GRIP1: variants seen among roughly 807,000 people sequenced by gnomAD.
GRIP1 encodes glutamate receptor-interacting protein 1.
GRIP1 carries 45 observed loss-of-function variants against 129.9 expected under a neutral mutation model. That is an observed-to-expected ratio of 0.35 (90% CI 0.27 to 0.44). The LOEUF (loss-of-function observed/expected upper bound fraction) is 0.44. GRIP1 is among the 20% of genes least tolerant of loss of function. The pLI is 1.00. For missense variants in GRIP1, 1,196 were observed against 1,396.8 expected, an observed-to-expected ratio of 0.86 and a Z score of 2.29; for synonymous variants, 530 against 520.8, an observed-to-expected ratio of 1.02 and a Z score of -0.24.
Position 66,638,544 on chromosome 12 carries a change from T to C in GRIP1, c.55+40306A>G, listed in dbSNP as rs73127186. On this transcript the variant is annotated intron_variant, in intron 1 of 24. Transcript: ENST00000359742. The stretch of plus-strand genomic sequence containing the variant: ...TTTTTATAATGACAGACAAAATAGT[T>C]AACAAGTCAAGAGCTAATCAGCCAG... Among the ~76,000 whole-genome samples, 947 of 152,316 alleles carry C rather than the reference T, an allele frequency of 6.2e-3. 7 individuals carry two copies. The highest frequency in any genetic ancestry group is 9.8e-3 in the Non-Finnish European group (668 of 68,020).
chr12:66,794,735 T>C (rs1324874280), intron 1 of GRIP1, among the ~76,000 whole-genome samples: 1 of 152,160 alleles, frequency 6.6e-6, no homozygotes, highest in African/African-American at 2.4e-5. Context: ...ATCCCAACAG[T>C]TCTTAGGTTT....
At chr12:66,753,070 A>AC (rs1429659426) in intron 1 of GRIP1, among the ~76,000 whole-genome samples, 8 of 152,166 alleles carry the variant, frequency 5.3e-5, no homozygotes, top group Non-Finnish European at 8.8e-5. Flanking sequence ...CCCAGCCCCT[A>AC]CCCACCAATG....
chr12:66,888,626 GT>G (rs2040605753), intron 1 of GRIP1, among the ~76,000 whole-genome samples: 1 of 152,178 alleles, frequency 6.6e-6, no homozygotes, highest in African/African-American at 2.4e-5. Flanking sequence ...GCCTCCAAAA[GT>G]GCTGGAATTA....
intron 5 of GRIP1, among the ~76,000 whole-genome samples, chr12:66,523,288 G>T (rs1181385642): frequency 2.0e-5 from 3 of 150,450 alleles, no homozygotes; most frequent in African/African-American, 7.4e-5. Context: ...AGAAAGGTCG[G>T]GTTACCCACA....
chr12:66,544,847 G>A (rs907507153), intron 2 of GRIP1, among the ~76,000 whole-genome samples: 2 of 152,070 alleles, frequency 1.3e-5, no homozygotes, highest in African/African-American at 4.8e-5. Context: ...CCTTTTTGGT[G>A]TTTAATGTTT....
chr12:66,444,511 A>C (rs2058565233), intron 13 of GRIP1, 73 bp downstream of exon 13: 10 of 1,320,768 alleles, frequency 7.6e-6, no homozygotes, highest in Admixed American at 3.8e-5. Flanking sequence ...AAAAAAAAAA[A>C]AAATAGTTTC....
At chr12:66,720,738 A>G (rs1199093364) in intron 1 of GRIP1, among the ~76,000 whole-genome samples, 6 of 152,154 alleles carry the variant, frequency 3.9e-5, no homozygotes, top group Admixed American at 1.3e-4. Flanking sequence ...CAATTAGGTC[A>G]TATCTTTAGG....
intron 13 of GRIP1, 57 bp downstream of exon 13, chr12:66,444,527 T>C: frequency 8.2e-7 from 1 of 1,213,450 alleles, no homozygotes; most frequent in Non-Finnish European, 1.2e-6. Flanking sequence ...GTTTCCTCTC[T>C]GCCACATAAC....
chr12:66,743,688 A>G (rs1196532431), intron 1 of GRIP1, among the ~76,000 whole-genome samples: 2 of 152,080 alleles, frequency 1.3e-5, no homozygotes, highest in Admixed American at 6.6e-5. Flanking sequence ...ATTATAAGAT[A>G]ACAAGGAGGA....
chr12:66,956,621 G>T (rs1038134996), intron 1 of GRIP1, among the ~76,000 whole-genome samples: 1 of 152,162 alleles, frequency 6.6e-6, no homozygotes, highest in Non-Finnish European at 1.5e-5. Context: ...ATGTTTAGGA[G>T]AAGATACATT....
chr12:66,745,096 C>A (rs2036904169), intron 1 of GRIP1, among the ~76,000 whole-genome samples: 1 of 136,176 alleles, frequency 7.3e-6, no homozygotes, highest in South Asian at 2.6e-4. Context: ...AGATAACAAG[C>A]AACACGGAGA....
At chr12:66,744,063 T>A (rs1048993666) in intron 1 of GRIP1, among the ~76,000 whole-genome samples, 1 of 152,208 alleles carries the variant, frequency 6.6e-6, no homozygotes, top group Non-Finnish European at 1.5e-5. Context: ...ACTATGAGCA[T>A]GCTCTCTAGA....
chr12:66,779,780 T>C (rs1267157482), intron 1 of GRIP1, among the ~76,000 whole-genome samples: 1 of 152,192 alleles, frequency 6.6e-6, no homozygotes, highest in African/African-American at 2.4e-5. Flanking sequence ...TCACATAATA[T>C]GTGCAGTAGT....
At chr12:66,442,980 T>C (rs900325054) in intron 13 of GRIP1, among the ~76,000 whole-genome samples, 1 of 152,232 alleles carries the variant, frequency 6.6e-6, no homozygotes, top group Admixed American at 6.5e-5. Context: ...TGGCCCATGG[T>C]AAATAGTAAA....
intron 1 of GRIP1, among the ~76,000 whole-genome samples, chr12:67,040,402 G>A (rs989881098): frequency 6.6e-6 from 1 of 152,130 alleles, no homozygotes; most frequent in East Asian, 1.9e-4. Flanking sequence ...TGATCTTTCT[G>A]TGCCTTGTCC....
chr12:66,907,008 G>C (rs911772494), intron 1 of GRIP1, among the ~76,000 whole-genome samples: 1 of 152,124 alleles, frequency 6.6e-6, no homozygotes, highest in Non-Finnish European at 1.5e-5. Context: ...TACAAACTTT[G>C]TCTCACCAGT....
intron 1 of GRIP1, among the ~76,000 whole-genome samples, chr12:66,964,887 T>C (rs1264415127): frequency 6.6e-6 from 1 of 152,152 alleles, no homozygotes; most frequent in Non-Finnish European, 1.5e-5. Context: ...GCCTTCTCAA[T>C]ATGTCCTCAT....
Position 66,837,892 on chromosome 12 carries a change from G to A in GRIP1, c.58+231158C>T, listed in dbSNP as rs149494853. 7.8e-4 allele frequency among the ~76,000 whole-genome samples: 119 copies of A among 152,166 alleles called. No individual in the cohort carries two copies. The East Asian group carries it at 0.011, about 13-fold the overall frequency. On this transcript the variant is annotated intron_variant, in intron 1 of 1. Coordinates refer to the GRIP1 transcript ENST00000643019. ...TTTACTTGGGCTATTTCAGAATGGT[G>A]GTTAAAAAATCCAGCAGGAGGCTGG...
At chr12:66,963,750 C>T (rs77788603) in intron 1 of GRIP1, among the ~76,000 whole-genome samples, 3,987 of 152,180 alleles carry the variant, frequency 0.026, 176 homozygotes, top group African/African-American at 0.09. Context: ...TTTAGGTTCA[C>T]GTCTAAGTTG....
Sources: gnomAD v4.1 joint callset for allele counts (sites outside exome capture counted in the v4.1 genomes callset) on GRCh38, gnomAD v4.1.1 for gene constraint, MANE v1.5 for transcripts, NCBI Gene and HGNC (gene_info 2026-07-23, HGNC 2026-07-21) for gene names.